LEF1: variants seen among roughly 807,000 people sequenced by gnomAD.
LEF1 encodes the protein lymphoid enhancer-binding factor 1.
LEF1 carries 14 observed loss-of-function variants against 51.2 expected under a neutral mutation model. The observed-to-expected ratio is 0.27, with a 90% CI of 0.18 to 0.43. The LOEUF (loss-of-function observed/expected upper bound fraction) is 0.43. LEF1 is among the 20% of genes least tolerant of loss of function. LEF1 has a pLI of 1.00. For synonymous variants in LEF1, 185 were observed against 183.2 expected, an observed-to-expected ratio of 1.01 and a Z score of -0.08; for missense variants, 386 against 512.0, an observed-to-expected ratio of 0.75 and a Z score of 2.37.
At chr4:108,111,430 A>G (rs1741522606) in intron 3 of LEF1, among the ~76,000 whole-genome samples, 1 of 152,226 alleles carries the variant, frequency 6.6e-6, no homozygotes, top group African/African-American at 2.4e-5. Flanking sequence ...GCCATCTTGC[A>G]GGCCACACAA....
intron 10 of LEF1, 34 bp from the exon 11 acceptor site, chr4:108,063,697 T>C (rs77417223): frequency 1.3e-6 from 2 of 1,503,960 alleles, no homozygotes; most frequent in Admixed American, 2.1e-5. Context: ...AAATTTTTAT[T>C]GAAGAGGTTT....
intron 6 of LEF1, among the ~76,000 whole-genome samples, chr4:108,080,745 GT>G (rs1012760047): frequency 6.6e-5 from 10 of 151,872 alleles, no homozygotes; most frequent in Non-Finnish European, 1.5e-4. Context: ...GAAAAAAAAA[GT>G]TTTTTTAAAG....
chr4:108,101,878 T>C (rs775932914), intron 3 of LEF1, among the ~76,000 whole-genome samples: 7 of 151,992 alleles, frequency 4.6e-5, no homozygotes, highest in East Asian at 1.9e-4. Flanking sequence ...CTGACCAACA[T>C]GGAGAAACCC....
At chr4:108,163,076 G>A (rs746236140) in intron 3 of LEF1, among the ~76,000 whole-genome samples, 3 of 151,780 alleles carry the variant, frequency 2.0e-5, no homozygotes, top group Non-Finnish European at 4.4e-5. Flanking sequence ...ACTCATCCCC[G>A]CCAAACCGAT....
chr4:108,168,184 T>G lies in LEF1; in HGVS notation c.-417A>C, dbSNP rs1307868555. On this transcript the variant is annotated 5_prime_UTR_variant, in exon 1 of 12. Coordinates refer to ENST00000265165, the MANE Select transcript of LEF1 (RefSeq NM_016269.5). The surrounding 1 kb of genome is among the most constrained non-coding windows in gnomAD (Gnocchi z 4.6). ...CTGGAGGGAGCACGCCTCCCCAAAG[T>G]GCAGAGGAGGGTCCGGCGGCGCGTC... The G allele has an allele frequency of 6.6e-6, 1 of 152,150 alleles. No homozygotes were observed. Among genetic ancestry groups the G allele is most frequent in the South Asian group, 2.1e-4 (1 of 4,832 alleles). The allele number at this position is 152,150 out of a possible 1,614,324, so 9.4% of individuals were successfully genotyped here.
At chr4:108,081,356 G>A (rs1013623158) in intron 6 of LEF1, among the ~76,000 whole-genome samples, 1 of 152,118 alleles carries the variant, frequency 6.6e-6, no homozygotes, top group Non-Finnish European at 1.5e-5. Flanking sequence ...TTTCCAAGGA[G>A]GCTGAGTCCA....
At position 108,157,405 on chromosome 4, in the gene LEF1, G is replaced by T. The variant is rs560721471; in HGVS notation, c.414+6163C>A. On this transcript the variant is annotated intron_variant, in intron 3 of 11. Transcript: ENST00000265165. ...GATGGGGTTTCACCATGTTGGTCAG[G>T]CTGGTCTCAAACTCCTGACCTCAGG... 5.3e-5 allele frequency among the ~76,000 whole-genome samples: 8 copies of T among 152,148 alleles called. 1 individual carries two copies. Among genetic ancestry groups the T allele is most frequent in the Admixed American group, 5.2e-4 (8 of 15,272 alleles).
At chr4:108,079,759 T>A in intron 6 of LEF1, 145 bp from the exon 7 acceptor site, 1 of 692,564 alleles carries the variant, frequency 1.4e-6, no homozygotes, top group Non-Finnish European at 2.3e-6. Flanking sequence ...TAAATTAGAG[T>A]GGGCCGATAA....
At chr4:108,123,590 G>A (rs142100044) in intron 3 of LEF1, among the ~76,000 whole-genome samples, 4 of 151,922 alleles carry the variant, frequency 2.6e-5, no homozygotes, top group East Asian at 1.9e-4. Context: ...CTTTCAGTCC[G>A]CTCATGGATG....
At chr4:108,156,064 C>T (rs1744677105) in intron 3 of LEF1, among the ~76,000 whole-genome samples, 1 of 152,148 alleles carries the variant, frequency 6.6e-6, no homozygotes, top group Non-Finnish European at 1.5e-5. Flanking sequence ...AATTGAAAAG[C>T]ATTAACCACA....
intron 3 of LEF1, among the ~76,000 whole-genome samples, chr4:108,118,172 A>T (rs1741951260): frequency 2.0e-5 from 3 of 152,220 alleles, no homozygotes; most frequent in Non-Finnish European, 4.4e-5. Flanking sequence ...TGATCCTTTT[A>T]AGCATACCAC....
chr4:108,159,859 T>C (rs1744958391), intron 3 of LEF1, among the ~76,000 whole-genome samples: 1 of 152,190 alleles, frequency 6.6e-6, no homozygotes, highest in African/African-American at 2.4e-5. Context: ...AAATAAACAT[T>C]TTAAAAGATA....
chr4:108,101,934 C>T (rs147403371), intron 3 of LEF1, among the ~76,000 whole-genome samples: 1 of 152,002 alleles, frequency 6.6e-6, no homozygotes, highest in Non-Finnish European at 1.5e-5. Flanking sequence ...GTGGCATGCG[C>T]CTGTAGTCCC....
chr4:108,166,370 T>G (rs1202753905), intron 1 of LEF1: 24 of 1,490,302 alleles, frequency 1.6e-5, no homozygotes, highest in Non-Finnish European at 1.9e-5. Context: ...ACTTTCTTTT[T>G]GGGGGTAGAA....
intron 3 of LEF1, among the ~76,000 whole-genome samples, chr4:108,111,608 G>A (rs539698681): frequency 6.6e-6 from 1 of 152,158 alleles, no homozygotes; most frequent in Non-Finnish European, 1.5e-5. Context: ...GTAGAGGGAG[G>A]CAAGAAAGGT....
intron 9 of LEF1, 29 bp from the exon 10 acceptor site, chr4:108,064,413 C>CTGTGACATG: frequency 6.4e-7 from 1 of 1,552,588 alleles, no homozygotes; most frequent in Non-Finnish European, 8.9e-7. Context: ...ACTGTCATGT[C>CTGTGACATG]ACAGATTGTA....
chr4:108,107,507 AT>A (rs11405123), intron 3 of LEF1, among the ~76,000 whole-genome samples: 4 of 150,824 alleles, frequency 2.7e-5, no homozygotes, highest in African/African-American at 4.9e-5. Context: ...GGCTTATTTT[AT>A]TTTTTTTAAA....
chr4:108,142,714 T>A (rs1196368243), intron 3 of LEF1, among the ~76,000 whole-genome samples: 1 of 152,196 alleles, frequency 6.6e-6, no homozygotes, highest in Non-Finnish European at 1.5e-5. Flanking sequence ...AAACCTTCCG[T>A]TATTCCAATT....
intron 3 of LEF1, among the ~76,000 whole-genome samples, chr4:108,103,090 G>A (rs780682127): frequency 5.3e-5 from 8 of 152,216 alleles, no homozygotes; most frequent in Non-Finnish European, 8.8e-5. Flanking sequence ...CCGTCACTAC[G>A]TGGGTCTCAA....
Sources: gnomAD v4.1 joint callset for allele counts (sites outside exome capture counted in the v4.1 genomes callset) on GRCh38, gnomAD v4.1.1 for gene constraint, Gnocchi (gnomAD v3.1) non-coding constraint, MANE v1.5 for transcripts, NCBI Gene and HGNC (gene_info 2026-07-23, HGNC 2026-07-21) for gene names.